SCGN: variants seen among roughly 807,000 people sequenced by gnomAD.
The protein encoded by SCGN is secretagogin.
Under a neutral mutation model 39.7 loss-of-function variants are expected in SCGN, and 30 were observed. The observed-to-expected ratio is 0.76, with a 90% CI of 0.57 to 1.03. SCGN has a LOEUF of 1.03. Ranked by LOEUF, SCGN falls within the 50% of genes least tolerant of loss-of-function variation. The pLI is 0.00. For synonymous variants in SCGN, 106 were observed against 114.1 expected (o/e 0.93, Z 0.45); for missense variants, 353 against 349.4 (o/e 1.01, Z -0.08).
intron 7 of SCGN, among the ~76,000 whole-genome samples, chr6:25,684,429 G>A (rs1370709705): frequency 6.6e-6 from 1 of 152,150 alleles, no homozygotes; most frequent in African/African-American, 2.4e-5. Flanking sequence ...CAGATAGGGG[G>A]TGCCAAGTGT....
At chr6:25,678,518 C>G (rs1017882226) in intron 6 of SCGN, among the ~76,000 whole-genome samples, 7 of 152,162 alleles carry the variant, frequency 4.6e-5, no homozygotes, top group African/African-American at 1.7e-4. Context: ...ACCAATTTAT[C>G]TGCAGCCTGT....
rs190820536 is a variant in SCGN, at chr6:25,662,562, T to C, written c.246+918T>C. Among the ~76,000 whole-genome samples the C allele has an allele frequency of 3.3e-5, 5 of 152,308 alleles. No individual in the cohort carries two copies. In the East Asian group the frequency reaches 9.6e-4, roughly 29 times the overall value. The stretch of plus-strand genomic sequence containing the variant: ...CTCTTGATGCTGTGACACTGCCATA[T>C]TTGAGCAGTCAATATTATTGAAGAA... On this transcript the variant is annotated intron_variant, in intron 3 of 10. Coordinates refer to ENST00000377961, the MANE Select transcript of SCGN (RefSeq NM_006998.4).
intron 7 of SCGN, among the ~76,000 whole-genome samples, chr6:25,682,232 C>G (rs748848321): frequency 3.3e-5 from 5 of 152,204 alleles, no homozygotes; most frequent in Non-Finnish European, 7.3e-5. Flanking sequence ...ACAACATTTT[C>G]ACAAATGTTA....
intron 2 of SCGN, among the ~76,000 whole-genome samples, chr6:25,659,013 A>G (rs1312514605): frequency 1.3e-5 from 2 of 152,168 alleles, no homozygotes; most frequent in African/African-American, 4.8e-5. Flanking sequence ...CATCTTTTCT[A>G]CCTCACTATT....
At chr6:25,653,331 C>A (rs751856170) in intron 1 of SCGN, 51 bp from the exon 2 acceptor site, 1 of 1,167,192 alleles carries the variant, frequency 8.6e-7, no homozygotes, top group Non-Finnish European at 1.3e-6. Context: ...TAAATACTGT[C>A]ATGTGTTTTT....
rs368529679 is a variant in SCGN at position 25,677,103 on chromosome 6, C to T, written c.472-4848C>T. ...ATTGCTAGCGTGTGAATTTCTATCT[C>T]GGTGCCTTTGTTCTTACATTTGCTA... On this transcript the variant is annotated intron_variant, in intron 6 of 10. Transcript: ENST00000377961. Among the ~76,000 whole-genome samples, 25 of 152,138 alleles carry T rather than the reference C, an allele frequency of 1.6e-4. 2 individuals are homozygous for T. The East Asian group carries it at 2.3e-3, about 14-fold the overall frequency.
At chr6:25,676,314 T>A (rs1028675928) in intron 6 of SCGN, among the ~76,000 whole-genome samples, 1 of 152,214 alleles carries the variant, frequency 6.6e-6, no homozygotes, top group Admixed American at 6.5e-5. Flanking sequence ...AGTCGGATTA[T>A]ATAATTTTTC....
intron 7 of SCGN, among the ~76,000 whole-genome samples, chr6:25,686,611 G>T (rs1027242331): frequency 6.6e-6 from 1 of 152,112 alleles, no homozygotes; most frequent in African/African-American, 2.4e-5. Context: ...CTTATCAGAT[G>T]TATAATCAGC....
chr6:25,689,283 A>G, intron 8 of SCGN, 66 bp downstream of exon 8: 6 of 1,314,236 alleles, frequency 4.6e-6, no homozygotes, highest in Non-Finnish European at 6.5e-6. Context: ...TTGAGCAGGA[A>G]AGAAGAAAGG....
intron 10 of SCGN, among the ~76,000 whole-genome samples, chr6:25,693,451 C>CAAAAAA (rs11376402): frequency 1.2e-4 from 6 of 48,396 alleles, no homozygotes; most frequent in South Asian, 1.4e-3. Context: ...GACTCCGTCT[C>CAAAAAA]AAAAAAAAAA....
chr6:25,661,623 T>A lies in SCGN; in HGVS notation c.225T>A (p.Asp75Glu). 1 of 1,613,152 alleles carries A rather than the reference T, an allele frequency of 6.2e-7. No homozygotes were observed. The highest frequency in any genetic ancestry group is 8.5e-7 in the Non-Finnish European group (1 of 1,179,242). The stretch of plus-strand genomic sequence containing the variant: ...TGACTACCCAAGATGCCTCTAAAGA[T>A]GGTCGCATTCGGATGAAAGAGGTAA... ...QFMTTQDASK[D>E]GRIRMKELAG... Residue 75 changes from aspartate to glutamate, a missense_variant, in exon 3 of 11, where the codon GAT becomes GAA. Coordinates refer to ENST00000377961, the MANE Select transcript of SCGN (RefSeq NM_006998.4).
At chr6:25,654,970 C>T (rs1197834515) in intron 2 of SCGN, among the ~76,000 whole-genome samples, 2 of 152,188 alleles carry the variant, frequency 1.3e-5, no homozygotes, top group South Asian at 2.1e-4. Context: ...GAGGAAGCCT[C>T]CCCCAAGTGA....
chr6:25,657,657 A>ATATATATATAATATATATATTACG (rs1373993326), intron 2 of SCGN, among the ~76,000 whole-genome samples: 71 of 149,308 alleles, frequency 4.8e-4, no homozygotes, highest in African/African-American at 1.5e-3. Flanking sequence ...AAGATTTTAT[A>ATATATATATAATATATATATTACG]TATATATATA....
At chr6:25,672,800 A>G (rs1364600759) in intron 6 of SCGN, among the ~76,000 whole-genome samples, 1 of 152,202 alleles carries the variant, frequency 6.6e-6, no homozygotes, top group Non-Finnish European at 1.5e-5. Flanking sequence ...CTGAGAGGCC[A>G]TTGTTGCCAT....
chr6:25,683,915 G>A (rs1464155835), intron 7 of SCGN, among the ~76,000 whole-genome samples: 1 of 152,204 alleles, frequency 6.6e-6, no homozygotes, highest in African/African-American at 2.4e-5. Context: ...TAAGAATTCA[G>A]TTCCAAGCAC....
rs368589031 is a variant in SCGN at position 25,664,748 on chromosome 6, G to A, written c.247-195G>A. On this transcript the variant is annotated intron_variant, in intron 3 of 10. Transcript: ENST00000377961. ...CCATAGTGATTTATACTTAGTAGGA[G>A]TGTGTTACTTTCTGAAAGAATCAAT... 5.3e-5 allele frequency among the ~76,000 whole-genome samples: 8 copies of A among 152,252 alleles called. No individual in the cohort carries two copies. The East Asian group carries it at 9.7e-4, about 18-fold the overall frequency.
At chr6:25,686,596 A>G (rs1219063319) in intron 7 of SCGN, among the ~76,000 whole-genome samples, 1 of 152,160 alleles carries the variant, frequency 6.6e-6, no homozygotes, top group Non-Finnish European at 1.5e-5. Context: ...TCTGTGCACT[A>G]GACACTTATC....
intron 3 of SCGN, 86 bp downstream of exon 3, chr6:25,661,730 T>C (rs1760341652): frequency 2.2e-6 from 2 of 896,820 alleles, no homozygotes; most frequent in Middle Eastern, 2.2e-4. Flanking sequence ...GTAATATTCT[T>C]TGAAAGACAA....
intron 6 of SCGN, among the ~76,000 whole-genome samples, chr6:25,674,524 C>A (rs1009497534): frequency 6.6e-6 from 1 of 152,300 alleles, no homozygotes; most frequent in African/African-American, 2.4e-5. Flanking sequence ...CACGTTATTG[C>A]TGCTTTAATG....
Sources: gnomAD v4.1 joint callset for allele counts (sites outside exome capture counted in the v4.1 genomes callset) on GRCh38, gnomAD v4.1.1 for gene constraint, MANE v1.5 for transcripts, NCBI Gene and HGNC (gene_info 2026-07-23, HGNC 2026-07-21) for gene names.